IGF2BP2: variants seen among roughly 807,000 people sequenced by gnomAD.
The protein encoded by IGF2BP2 is insulin-like growth factor 2 mRNA-binding protein 2.
IGF2BP2 carries 17 observed loss-of-function variants against 75.8 expected under a neutral mutation model. That is an observed-to-expected ratio of 0.22 (90% confidence interval 0.15 to 0.34). The LOEUF (loss-of-function observed/expected upper bound fraction) is 0.34. Among genes scored for constraint, IGF2BP2 ranks in the 10% least tolerant of loss-of-function variants. The pLI is 1.00. For missense variants in IGF2BP2, 516 were observed against 772.4 expected (o/e 0.67, Z 3.93); for synonymous variants, 288 against 295.6 (o/e 0.97, Z 0.26).
chr3:185,761,244 T>A (rs1241285429), intron 2 of IGF2BP2, among the ~76,000 whole-genome samples: 1 of 152,140 alleles, frequency 6.6e-6, no homozygotes, highest in African/African-American at 2.4e-5. Context: ...TTTACTCCTG[T>A]ACACACAAAA....
At chr3:185,761,271 G>A in intron 2 of IGF2BP2, among the ~76,000 whole-genome samples, 1 of 152,176 alleles carries the variant, frequency 6.6e-6, no homozygotes, top group East Asian at 1.9e-4. Context: ...GTGTATGTGT[G>A]GGGCAGGATC....
intron 2 of IGF2BP2, among the ~76,000 whole-genome samples, chr3:185,773,600 AAGTT>A (rs950422075): frequency 2.1e-4 from 32 of 152,222 alleles, no homozygotes; most frequent in African/African-American, 7.5e-4. Flanking sequence ...CATAAAAACT[AAGTT>A]AGGAAGGCCA....
chr3:185,703,475 G>A (rs1723585673), intron 2 of IGF2BP2, among the ~76,000 whole-genome samples: 1 of 152,038 alleles, frequency 6.6e-6, no homozygotes, highest in African/African-American at 2.4e-5. Flanking sequence ...AACTATTGAG[G>A]AACCTCGTGA....
At chr3:185,797,817 A>C (rs955113593) in intron 2 of IGF2BP2, among the ~76,000 whole-genome samples, 15 of 150,962 alleles carry the variant, frequency 9.9e-5, no homozygotes, top group African/African-American at 3.4e-4. Context: ...AGGTGGGAGA[A>C]CCACGTGAGC....
chr3:185,721,767 C>T (rs1182435541), intron 2 of IGF2BP2, among the ~76,000 whole-genome samples: 1 of 152,102 alleles, frequency 6.6e-6, no homozygotes, highest in Admixed American at 6.5e-5. Context: ...TGAACCAGCC[C>T]ACCTAGTGAG....
At chr3:185,713,196 C>G (rs761264757) in intron 2 of IGF2BP2, 2 of 345,896 alleles carry the variant, frequency 5.8e-6, no homozygotes, top group East Asian at 1.5e-4. Flanking sequence ...CTGTCATAAA[C>G]CACCAGGTCA....
chr3:185,774,887 G>A (rs1403484383), intron 2 of IGF2BP2, among the ~76,000 whole-genome samples: 1 of 152,016 alleles, frequency 6.6e-6, no homozygotes, highest in Non-Finnish European at 1.5e-5. Context: ...GGGGATGCTG[G>A]TGGGCTCCTG....
chr3:185,823,087 G>T, intron 2 of IGF2BP2, 66 bp downstream of exon 2: 2 of 1,039,746 alleles, frequency 1.9e-6, no homozygotes, highest in Non-Finnish European at 1.4e-6. Flanking sequence ...TTTTAAAGCT[G>T]TGTGTACGTT....
At chr3:185,724,977 A>T (rs1702388133) in intron 2 of IGF2BP2, 1 of 152,198 alleles carries the variant, frequency 6.6e-6, no homozygotes, top group African/African-American at 2.4e-5. Flanking sequence ...TGCTGTGAGG[A>T]AGAGCAAGCA....
intron 7 of IGF2BP2, among the ~76,000 whole-genome samples, chr3:185,679,125 G>A (rs1383379219): frequency 6.6e-6 from 1 of 152,138 alleles, no homozygotes; most frequent in Non-Finnish European, 1.5e-5. Flanking sequence ...ATTACTGATA[G>A]GGAAGGACTT....
In IGF2BP2 at chr3:185,654,569, G is replaced by A. The variant is rs573412802; in HGVS notation, c.1387-2401C>T. On this transcript the variant is annotated intron_variant, in intron 12 of 15. Transcript: ENST00000382199. ...TGCTCAGATTCTGAAAGAAACCTCC[G>A]AGGGCTCTACTGCCTGGCACTGGCC... Among the ~76,000 whole-genome samples, 142 of 152,322 alleles carry A rather than the reference G, an allele frequency of 9.3e-4. 2 individuals are homozygous for A. In the South Asian group the frequency reaches 0.022, roughly 24 times the overall value.
At chr3:185,712,962 A>C (rs1026482804) in intron 2 of IGF2BP2, among the ~76,000 whole-genome samples, 1 of 152,224 alleles carries the variant, frequency 6.6e-6, no homozygotes, top group Non-Finnish European at 1.5e-5. Context: ...CATTACTGCC[A>C]GGATACTCTT....
chr3:185,777,297 T>A (rs1320682296), intron 2 of IGF2BP2, among the ~76,000 whole-genome samples: 1 of 152,054 alleles, frequency 6.6e-6, no homozygotes, highest in African/African-American at 2.4e-5. Flanking sequence ...TGGCAAAACC[T>A]TGTCTCTAAA....
chr3:185,675,916 A>C lies in IGF2BP2; in HGVS notation c.813-3T>G, dbSNP rs529935659. ...TTTTCAGAGGAATCTCTTCGGCTCTAAAAGAGACAAGCAGCAAGTTAACAC... is the reference window on the plus strand; with the variant it reads ...TTTTCAGAGGAATCTCTTCGGCTCTCAAAGAGACAAGCAGCAAGTTAACAC... On this transcript the variant is annotated splice_polypyrimidine_tract_variant and splice_region_variant and intron_variant, in intron 7 of 15. Coordinates refer to ENST00000382199, the MANE Select transcript of IGF2BP2 (RefSeq NM_006548.6). 2 of 1,613,760 alleles carry C rather than the reference A, an allele frequency of 1.2e-6. No homozygotes were observed. Among genetic ancestry groups the C allele is most frequent in the South Asian group, 2.2e-5 (2 of 90,990 alleles).
chr3:185,753,175 C>T (rs1043542042), intron 2 of IGF2BP2, among the ~76,000 whole-genome samples: 1 of 152,104 alleles, frequency 6.6e-6, no homozygotes, highest in African/African-American at 2.4e-5. Flanking sequence ...TTTCCAATAC[C>T]AAGCATTCAC....
intron 2 of IGF2BP2, among the ~76,000 whole-genome samples, chr3:185,711,414 C>G (rs1724776721): frequency 1.3e-5 from 2 of 152,192 alleles, no homozygotes. Flanking sequence ...ATCTCTGGTG[C>G]TTAAACACAG....
intron 2 of IGF2BP2, among the ~76,000 whole-genome samples, chr3:185,706,098 G>A (rs373883596): frequency 1.4e-4 from 21 of 152,248 alleles, no homozygotes; most frequent in African/African-American, 4.6e-4. Context: ...GCCGGACGTC[G>A]TGGCTCACAC....
chr3:185,763,334 C>T (rs888196959), intron 2 of IGF2BP2, among the ~76,000 whole-genome samples: 2 of 152,178 alleles, frequency 1.3e-5, no homozygotes, highest in Non-Finnish European at 2.9e-5. Context: ...ACCAAAATTA[C>T]CCTACCTTAG....
At chr3:185,761,283 G>A (rs1732326528) in intron 2 of IGF2BP2, among the ~76,000 whole-genome samples, 6 of 152,206 alleles carry the variant, frequency 3.9e-5, no homozygotes, top group Admixed American at 3.9e-4. Context: ...GGCAGGATCA[G>A]TGAAGGAAAT....
Sources: allele counts gnomAD v4.1 joint callset (sites outside exome capture counted in the v4.1 genomes callset), GRCh38; gene constraint gnomAD v4.1.1; transcripts MANE v1.5; gene names NCBI Gene and HGNC (gene_info 2026-07-23, HGNC 2026-07-21).